INO80: variants seen among roughly 807,000 people sequenced by gnomAD.
INO80 encodes INO80 complex ATPase subunit.
Under a neutral mutation model 203.4 loss-of-function variants are expected in INO80, and 20 were observed. The observed-to-expected ratio is 0.10, with a 90% CI of 0.07 to 0.14. INO80 has a LOEUF of 0.14. INO80 is among the 10% of genes least tolerant of loss of function. INO80 has a pLI of 1.00. For missense variants in INO80, 1,419 were observed against 1,914.4 expected (o/e 0.74, Z 4.83); for synonymous variants, 726 against 685.2 (o/e 1.06, Z -0.93).
intron 1 of INO80, among the ~76,000 whole-genome samples, chr15:41,103,890 C>T (rs975762616): frequency 1.3e-5 from 2 of 152,036 alleles, no homozygotes; most frequent in African/African-American, 2.4e-5. Flanking sequence ...TCCTATCAGA[C>T]CTGTCTCACT....
At position 41,049,291 on chromosome 15, in the gene INO80, C is replaced by G. The variant is rs775445730; in HGVS notation, c.2572G>C (p.Asp858His). 6 of 1,611,952 alleles carry G rather than the reference C, an allele frequency of 3.7e-6. No homozygotes were observed. Among genetic ancestry groups the G allele is most frequent in the Non-Finnish European group, 5.1e-6 (6 of 1,178,886 alleles). The change falls in exon 21 of 36, where the codon GAC (aspartate) becomes CAC (histidine). Residue 858 changes from aspartate (D) to histidine (H), a missense_variant. Coordinates refer to ENST00000648947, the MANE Select transcript of INO80 (RefSeq NM_017553.3). ...GQIRVFNHSR[D>H]RWLRVLSPFA... Reference sequence around the variant, plus strand: ...CAGATAGTAATACTTCCCTACCTGTCTCGTGAATGATTGAAGACCCTGATC... The same window carrying G: ...CAGATAGTAATACTTCCCTACCTGTGTCGTGAATGATTGAAGACCCTGATC...
At chr15:40,980,957 C>A (rs903655695) in intron 35 of INO80, among the ~76,000 whole-genome samples, 8 of 152,166 alleles carry the variant, frequency 5.3e-5, no homozygotes, top group Admixed American at 1.3e-4. Context: ...AATGGCCACC[C>A]CTGCTCTCCA....
chr15:40,986,715 TC>T (rs1431921139), intron 31 of INO80, among the ~76,000 whole-genome samples: 1 of 152,150 alleles, frequency 6.6e-6, no homozygotes, highest in East Asian at 1.9e-4. Flanking sequence ...AATCTCCACC[TC>T]CTGGGTTCAA....
chr15:41,038,687 C>G (rs1403906465), intron 24 of INO80, among the ~76,000 whole-genome samples: 1 of 152,208 alleles, frequency 6.6e-6, no homozygotes, highest in African/African-American at 2.4e-5. Context: ...TATAATCTTT[C>G]TGTTACAACC....
chr15:41,050,867 C>T (rs1452517036), intron 19 of INO80, among the ~76,000 whole-genome samples: 1 of 152,166 alleles, frequency 6.6e-6, no homozygotes, highest in Non-Finnish European at 1.5e-5. Context: ...GACGCAGTGG[C>T]TCACGCCTGT....
rs2045360832 is a variant in INO80 at position 41,073,850 on chromosome 15, T to C, written c.1328-355A>G. Among the ~76,000 whole-genome samples the C allele has an allele frequency of 2.0e-5, 3 of 152,144 alleles. 1 individual carries two copies. The South Asian group carries it at 6.2e-4, about 32-fold the overall frequency. On this transcript the variant is annotated intron_variant, in intron 10 of 35. Coordinates refer to ENST00000648947, the MANE Select transcript of INO80 (RefSeq NM_017553.3). ...GGTGAAACTATTTTAACAGGAGAAATACAGACATATTTAAACCCCAAGATA... is the reference window on the plus strand; with the variant it reads ...GGTGAAACTATTTTAACAGGAGAAACACAGACATATTTAAACCCCAAGATA...
At chr15:41,042,505 G>A (rs1004784340) in intron 24 of INO80, among the ~76,000 whole-genome samples, 3 of 152,038 alleles carry the variant, frequency 2.0e-5, no homozygotes, top group East Asian at 2.0e-4. Flanking sequence ...AGGGAGTCTC[G>A]CTCTGTCACC....
intron 1 of INO80, among the ~76,000 whole-genome samples, chr15:41,101,913 C>T (rs940097306): frequency 6.6e-6 from 1 of 150,422 alleles, no homozygotes. Context: ...TATTTCTTGG[C>T]GGGCATGGTG....
chr15:41,059,824 T>G (rs762161495), intron 15 of INO80, 43 bp downstream of exon 15: 3 of 1,276,388 alleles, frequency 2.4e-6, no homozygotes, highest in Non-Finnish European at 3.4e-6. Flanking sequence ...AAATAATGAC[T>G]GCATGTACGG....
At chr15:41,008,232 C>T (rs1301448396) in intron 27 of INO80, among the ~76,000 whole-genome samples, 2 of 147,990 alleles carry the variant, frequency 1.4e-5, no homozygotes, top group Admixed American at 6.6e-5. Flanking sequence ...CATACACACA[C>T]ACACACACAC....
At chr15:41,030,917 A>G (rs1052441595) in intron 24 of INO80, among the ~76,000 whole-genome samples, 3 of 146,860 alleles carry the variant, frequency 2.0e-5, no homozygotes, top group African/African-American at 7.6e-5. Context: ...TGATCCGTCC[A>G]CCTTGGCCTC....
At chr15:41,043,836 G>C (rs937783613) in intron 24 of INO80, among the ~76,000 whole-genome samples, 5 of 152,084 alleles carry the variant, frequency 3.3e-5, no homozygotes, top group Admixed American at 3.3e-4. Context: ...TATAACTTCA[G>C]TTCCTGTCAC....
chr15:41,043,017 A>G (rs1481974167), intron 24 of INO80, among the ~76,000 whole-genome samples: 2 of 152,218 alleles, frequency 1.3e-5, no homozygotes. Context: ...TCAACTGCGT[A>G]AACATATTTT....
intron 17 of INO80, 93 bp from the exon 18 acceptor site, chr15:41,055,457 T>C: frequency 1.5e-6 from 1 of 677,230 alleles, no homozygotes; most frequent in Admixed American, 2.6e-5. Flanking sequence ...GGTGTATTAG[T>C]GTGTAAGTGC....
intron 27 of INO80, chr15:41,013,112 C>T (rs976368528): frequency 6.6e-6 from 1 of 152,238 alleles, no homozygotes; most frequent in Non-Finnish European, 1.5e-5. Context: ...ACCACCACAA[C>T]AAAAACCCAA....
At chr15:40,995,304 CAG>C (rs530646575) in intron 29 of INO80, among the ~76,000 whole-genome samples, 35 of 152,274 alleles carry the variant, frequency 2.3e-4, no homozygotes, top group African/African-American at 7.7e-4. Flanking sequence ...AAAGAACAAA[CAG>C]AAGTTCACCA....
At chr15:41,107,975 C>T (rs2045905507) in intron 1 of INO80, among the ~76,000 whole-genome samples, 1 of 151,950 alleles carries the variant, frequency 6.6e-6, no homozygotes, top group African/African-American at 2.4e-5. Flanking sequence ...TGGTGCATGC[C>T]TGTAATCCCA....
intron 27 of INO80, chr15:41,013,171 A>G (rs2044157139): frequency 6.6e-6 from 1 of 152,218 alleles, no homozygotes; most frequent in Non-Finnish European, 1.5e-5. Flanking sequence ...ACAGCAACAC[A>G]GAGCTTTGAT....
rs2045549981 is a variant in INO80 at position 41,085,536 on chromosome 15, A to G, written c.706T>C (p.Ser236Pro). ...TGGCGACGAGGGGATTCTTCAGAGG[A>G]AAGTTCTTCATCTCTTCGTCTTTTT... ...KKKRRRDEEL[S>P]SEESPRRHHH... Residue 236 changes from serine to proline, a missense_variant, in exon 7 of 36, where the codon TCC becomes CCC. Physicochemically the swap from Ser to Pro is moderately conservative, Grantham distance 74. Coordinates refer to ENST00000648947, the MANE Select transcript of INO80 (RefSeq NM_017553.3). 3 of 1,614,092 alleles carry G rather than the reference A, an allele frequency of 1.9e-6. No individual in the cohort carries two copies. The highest frequency in any genetic ancestry group is 2.5e-6 in the Non-Finnish European group (3 of 1,180,044).
Sources: allele counts gnomAD v4.1 joint callset (sites outside exome capture counted in the v4.1 genomes callset), GRCh38; gene constraint gnomAD v4.1.1; transcripts MANE v1.5; gene names NCBI Gene and HGNC (gene_info 2026-07-23, HGNC 2026-07-21).